ZNF737: variants seen among roughly 807,000 people sequenced by gnomAD.
ZNF737 encodes the protein zinc finger protein 737, also known as zinc finger protein 102 (Y3).
In ZNF737, 13 loss-of-function variants were observed where a neutral mutation model predicts 11.7. The ratio of observed to expected loss-of-function variants is 1.11; its 90% CI spans 0.73 to 1.77. The LOEUF (loss-of-function observed/expected upper bound fraction) is 1.77. Among genes scored for constraint, ZNF737 ranks in the 40% most tolerant of loss-of-function variants. ZNF737 has a pLI of 0.00. For missense variants in ZNF737, 636 were observed against 638.0 expected, an observed-to-expected ratio of 1.00 and a Z score of 0.03; for synonymous variants, 217 against 216.2, an observed-to-expected ratio of 1.00 and a Z score of -0.03.
chr19:20,543,798 CTCT>C lies in ZNF737; in HGVS notation c.*791_*793del, dbSNP rs1449861079. ...CACATTTTTTAGCTTTGCGGATTTC[CTCT>C]TCAACATGAATTATTGCCATGCCTC... is the stretch of plus-strand genomic sequence containing the variant. On this transcript the variant is annotated 3_prime_UTR_variant, in exon 4 of 4. Coordinates refer to ENST00000427401, the MANE Select transcript of ZNF737 (RefSeq NM_001159293.2). 2 of 985,294 alleles carry C rather than the reference CTCT, an allele frequency of 2.0e-6. No homozygotes were observed. The highest frequency in any genetic ancestry group is 2.3e-4 in the East Asian group (2 of 8,822). 61.0% of individuals were successfully genotyped at this position (985,294 alleles called of 1,614,324 possible). A position where few individuals can be genotyped will look rare whatever the true frequency, so the allele number is the denominator to read the frequency against.
chr19:20,531,241 G>GAGGAGAC (rs1380446526), downstream of ZNF737, among the ~76,000 whole-genome samples: 19 of 81,166 alleles, frequency 2.3e-4, no homozygotes, highest in African/African-American at 1.3e-3. Context: ...AGAGGGGAGA[G>GAGGAGAC]GGGAGACGGG....
chr19:20,536,049 C>T (rs1447766398), downstream of ZNF737: 2 of 980,152 alleles, frequency 2.0e-6, no homozygotes, highest in Non-Finnish European at 2.4e-6. Flanking sequence ...GACACATTTA[C>T]CTTTTATCCG....
At chr19:20,553,232 G>A (rs1968759943) in intron 2 of ZNF737, among the ~76,000 whole-genome samples, 1 of 152,014 alleles carries the variant, frequency 6.6e-6, no homozygotes, top group African/African-American at 2.4e-5. Context: ...GGATTAAGAT[G>A]AAACATCTTG....
chr19:20,548,720 C>CTGCA lies in ZNF737; in HGVS notation c.227-2748_227-2745dup, dbSNP rs781888221. ...ATCTCCCAAGTAGCTGGGGCCACAG[C>CTGCA]TGCACATCACTATGGCTGGCTATTA... On this transcript the variant is annotated intron_variant, in intron 3 of 3. Coordinates refer to ENST00000427401, the MANE Select transcript of ZNF737 (RefSeq NM_001159293.2). Among the ~76,000 whole-genome samples, 9 of 151,286 alleles carry CTGCA rather than the reference C, an allele frequency of 5.9e-5. No individual in the cohort carries two copies. The South Asian group carries it at 1.7e-3, about 28-fold the overall frequency.
rs1252360423 is a variant in ZNF737, at chr19:20,540,055, CT to C, written c.*4536del. On this transcript the variant is annotated 3_prime_UTR_variant, in exon 4 of 4. Transcript: ENST00000427401. Reference sequence around the variant, plus strand: ...TTATTTCTTGAATGAATGAGATTCCCTTTTTTTTCCCTCTGCCATAGAATCC... The same window carrying C: ...TTATTTCTTGAATGAATGAGATTCCCTTTTTTTCCCTCTGCCATAGAATCC... 18 of 985,072 alleles carry C rather than the reference CT, an allele frequency of 1.8e-5. No individual in the cohort carries two copies. Among genetic ancestry groups the C allele is most frequent in the African/African-American group, 1.6e-4 (9 of 57,160 alleles). 61.0% of individuals were successfully genotyped at this position (985,072 alleles called of 1,614,324 possible).
chr19:20,543,491 G>C lies in ZNF737; in HGVS notation c.*1101C>G. The stretch of plus-strand genomic sequence containing the variant: ...ATTAAAAGGAAGATTTTTATGTTGA[G>C]TTAGATGTGAGTAGGAATTAATAGG... On this transcript the variant is annotated 3_prime_UTR_variant, in exon 4 of 4. Coordinates refer to ENST00000427401, the MANE Select transcript of ZNF737 (RefSeq NM_001159293.2). The C allele has an allele frequency of 1.0e-6, 1 of 985,232 alleles. No individual in the cohort carries two copies. Among genetic ancestry groups the C allele is most frequent in the Non-Finnish European group, 1.2e-6 (1 of 829,722 alleles). 61.0% of individuals were successfully genotyped at this position (985,232 alleles called of 1,614,324 possible). A position where few individuals can be genotyped will look rare whatever the true frequency, so the allele number is the denominator to read the frequency against.
intron 1 of ZNF737, among the ~76,000 whole-genome samples, chr19:20,557,110 T>C (rs1968917581): frequency 6.6e-6 from 1 of 152,202 alleles, no homozygotes; most frequent in Non-Finnish European, 1.5e-5. Flanking sequence ...TTTTGTGACT[T>C]ATGGAGCAAC....
rs1356674577 is a variant in ZNF737, at chr19:20,539,775, G to C, written c.*4817C>G. 4.1e-6 allele frequency: 4 copies of C among 985,340 alleles called. No individual in the cohort carries two copies. The highest frequency in any genetic ancestry group is 4.8e-6 in the Non-Finnish European group (4 of 829,904). 61.0% of individuals were successfully genotyped at this position (985,340 alleles called of 1,614,324 possible). A position where few individuals can be genotyped will look rare whatever the true frequency, so the allele number is the denominator to read the frequency against. Reference sequence around the variant, plus strand: ...TTCAATTTTAGGACATTACCCACTGGTCTTCATGGCATTTCTGTAATAAAT... The same window carrying C: ...TTCAATTTTAGGACATTACCCACTGCTCTTCATGGCATTTCTGTAATAAAT... On this transcript the variant is annotated 3_prime_UTR_variant, in exon 4 of 4. Coordinates refer to ENST00000427401, the MANE Select transcript of ZNF737 (RefSeq NM_001159293.2).
At position 20,565,651 on chromosome 19, in the gene ZNF737, C is replaced by T. The variant is rs1599445224; in HGVS notation, c.-11G>A. ...CGGCACTCTCACCATTTCTAGGCTT[C>T]CAGGGGCTCCCGGGCGTCTTAGCTG... On this transcript the variant is annotated 5_prime_UTR_variant, in exon 1 of 4. Transcript: ENST00000427401. 1.2e-6 allele frequency: 2 copies of T among 1,614,160 alleles called. No homozygotes were observed. Among genetic ancestry groups the T allele is most frequent in the Non-Finnish European group, 1.7e-6 (2 of 1,180,028 alleles).
chr19:20,532,633 T>C (rs1967858075), downstream of ZNF737, among the ~76,000 whole-genome samples: 1 of 149,694 alleles, frequency 6.7e-6, no homozygotes, highest in African/African-American at 2.5e-5. Context: ...TGTAAAAATA[T>C]CTTTAATAAC....
rs1305867124 is a variant in ZNF737 at position 20,563,496 on chromosome 19, T to C, written c.3+2142A>G. Among the ~76,000 whole-genome samples, 30 of 151,008 alleles carry C rather than the reference T, an allele frequency of 2.0e-4. 1 individual carries two copies. The highest frequency in any genetic ancestry group is 6.6e-4 in the African/African-American group (27 of 41,088). ...AGAAGGAAGTGCTTACTTTTTTTTTTTTTTTTTTTGAGACGGAGTCACCCT... is the reference window on the plus strand; with the variant it reads ...AGAAGGAAGTGCTTACTTTTTTTTTCTTTTTTTTTGAGACGGAGTCACCCT... On this transcript the variant is annotated intron_variant, in intron 1 of 3. Transcript: ENST00000427401.
chr19:20,549,044 T>C (rs1337464092), intron 3 of ZNF737, among the ~76,000 whole-genome samples: 7 of 143,710 alleles, frequency 4.9e-5, no homozygotes, highest in African/African-American at 1.8e-4. Flanking sequence ...AAAGCAAATA[T>C]ATATTCATTG....
intron 3 of ZNF737, among the ~76,000 whole-genome samples, chr19:20,552,062 AAAAT>A (rs1294017276): frequency 9.2e-5 from 14 of 151,950 alleles, no homozygotes; most frequent in Non-Finnish European, 1.5e-4. Flanking sequence ...ACTACATAGA[AAAAT>A]AAACAAAAAA....
chr19:20,541,192 C>A lies in ZNF737; in HGVS notation c.*3400G>T. The A allele has an allele frequency of 1.0e-6, 1 of 982,610 alleles. No individual in the cohort carries two copies. The highest frequency in any genetic ancestry group is 4.7e-5 in the South Asian group (1 of 21,212). The allele number at this position is 982,610 out of a possible 1,614,324, so 60.9% of individuals were successfully genotyped here. On this transcript the variant is annotated 3_prime_UTR_variant, in exon 4 of 4. Coordinates refer to ENST00000427401, the MANE Select transcript of ZNF737 (RefSeq NM_001159293.2). ...TAAAAGTGTTTAGTTTTGTTAATCA[C>A]CTAAATAACATAATTTGTTTTGTTG...
chr19:20,543,714 C>T lies in ZNF737; in HGVS notation c.*878G>A. On this transcript the variant is annotated 3_prime_UTR_variant, in exon 4 of 4. Coordinates refer to ENST00000427401, the MANE Select transcript of ZNF737 (RefSeq NM_001159293.2). ...CACATTTTATATATTTCTAGGGTTTCACACTAGTATAATTATTGTTATGTG... is the reference window on the plus strand; with the variant it reads ...CACATTTTATATATTTCTAGGGTTTTACACTAGTATAATTATTGTTATGTG... The T allele has an allele frequency of 1.0e-6, 1 of 985,228 alleles. No individual in the cohort carries two copies. The highest frequency in any genetic ancestry group is 1.2e-6 in the Non-Finnish European group (1 of 829,760). 61.0% of individuals were successfully genotyped at this position (985,228 alleles called of 1,614,324 possible). A position where few individuals can be genotyped will look rare whatever the true frequency, so the allele number is the denominator to read the frequency against.
downstream of ZNF737, chr19:20,535,878 C>A: frequency 6.2e-6 from 1 of 161,184 alleles, no homozygotes; most frequent in Non-Finnish European, 1.3e-5. Flanking sequence ...AAATTAAACT[C>A]ATAGAAGCAG....
At chr19:20,551,940 A>C (rs1259697749) in intron 3 of ZNF737, among the ~76,000 whole-genome samples, 1 of 145,558 alleles carries the variant, frequency 6.9e-6, no homozygotes, top group African/African-American at 2.6e-5. Flanking sequence ...ATGAAAATAA[A>C]CTCTGAATAG....
Position 20,543,124 on chromosome 19 carries a change from A to G in ZNF737, c.*1468T>C, listed in dbSNP as rs782758742. 175 of 951,736 alleles carry G rather than the reference A, an allele frequency of 1.8e-4. No homozygotes were observed. Among genetic ancestry groups the G allele is most frequent in the Non-Finnish European group, 2.1e-4 (166 of 799,702 alleles). 59.0% of individuals were successfully genotyped at this position (951,736 alleles called of 1,614,324 possible). On this transcript the variant is annotated 3_prime_UTR_variant, in exon 4 of 4. Coordinates refer to ENST00000427401, the MANE Select transcript of ZNF737 (RefSeq NM_001159293.2). ...TTATATACAATCTATTTTGAATTAA[A>G]TATTTTTTAATATTTACTGCATCTG...
chr19:20,555,256 C>T (rs1555760567), intron 1 of ZNF737, among the ~76,000 whole-genome samples: 2 of 151,456 alleles, frequency 1.3e-5, no homozygotes, highest in African/African-American at 2.4e-5. Flanking sequence ...AACCTTGGCT[C>T]ACTGCAACCT....
Sources: gnomAD v4.1 joint callset for allele counts (sites outside exome capture counted in the v4.1 genomes callset) on GRCh38, gnomAD v4.1.1 for gene constraint, MANE v1.5 for transcripts, NCBI Gene and HGNC (gene_info 2026-07-23, HGNC 2026-07-21) for gene names.